The following ECRG4 variants were observed in gnomAD, a reference collection of about 807,000 sequenced individuals.
The protein encoded by ECRG4 is ECRG4 augurin precursor, also known as augurin.
In ECRG4, 18 loss-of-function variants were observed where a neutral mutation model predicts 15.8. The observed-to-expected ratio is 1.14, with a 90% CI of 0.79 to 1.69. The LOEUF (loss-of-function observed/expected upper bound fraction) is 1.69, where lower values mean the gene tolerates loss of function less well. ECRG4 is among the 40% of genes most tolerant of loss of function. The pLI, the probability that ECRG4 is intolerant of heterozygous loss-of-function variation, is 0.00. For missense variants in ECRG4, 200 were observed against 190.9 expected (o/e 1.05, Z -0.28); for synonymous variants, 82 against 73.9 (o/e 1.11, Z -0.56).
chr2:106,077,230 T>G (rs1676506119), intron 3 of ECRG4, among the ~76,000 whole-genome samples: 1 of 152,188 alleles, frequency 6.6e-6, no homozygotes, highest in South Asian at 2.1e-4. Context: ...CTGTGTACAC[T>G]CTAACCAACA....
chr2:106,078,017 C>G lies in ECRG4; in HGVS notation c.*91C>G. ...TACACTACTTGGTTTCTGATTTGCT[C>G]TATTTCAGCAGATCTTTTCTACCTA... On this transcript the variant is annotated 3_prime_UTR_variant, in exon 4 of 4. Transcript: ENST00000238044. 1.6e-6 allele frequency: 2 copies of G among 1,246,998 alleles called. No individual in the cohort carries two copies. Among genetic ancestry groups the G allele is most frequent in the Non-Finnish European group, 1.1e-6 (1 of 923,600 alleles). The allele number at this position is 1,246,998 out of a possible 1,614,324, so 77.2% of individuals were successfully genotyped here.
chr2:106,076,437 C>T (rs188221245), intron 3 of ECRG4, among the ~76,000 whole-genome samples: 57 of 152,244 alleles, frequency 3.7e-4, no homozygotes, highest in Non-Finnish European at 6.5e-4. Context: ...CCAAAGAAGT[C>T]GGTGTCCTCC....
intron 1 of ECRG4, among the ~76,000 whole-genome samples, chr2:106,067,059 C>CGGGGCGG (rs1207345148): frequency 1.4e-3 from 6 of 4,266 alleles, no homozygotes; most frequent in East Asian, 0.013. Context: ...TTTGGGAGGC[C>CGGGGCGG]GGGGGGGGGG....
chr2:106,067,290 C>T (rs567268863), intron 1 of ECRG4, among the ~76,000 whole-genome samples: 2 of 150,828 alleles, frequency 1.3e-5, no homozygotes, highest in South Asian at 4.2e-4. Context: ...GAAACTCCGT[C>T]GCAAAATAAA....
At chr2:106,071,732 G>T in intron 1 of ECRG4, 112 bp from the exon 2 acceptor site, 1 of 757,598 alleles carries the variant, frequency 1.3e-6, no homozygotes, top group South Asian at 1.7e-5. Context: ...TTACCAAGTT[G>T]CCAAATCAAG....
At chr2:106,069,394 C>T (rs371818002) in intron 1 of ECRG4, among the ~76,000 whole-genome samples, 5 of 149,424 alleles carry the variant, frequency 3.3e-5, no homozygotes, top group South Asian at 2.1e-4. Flanking sequence ...AGTGCAGTGA[C>T]GCTACCTTGG....
intron 1 of ECRG4, among the ~76,000 whole-genome samples, chr2:106,071,322 TAAAAAAAAAAAAA>T (rs10649647): frequency 1.8e-4 from 14 of 78,330 alleles, no homozygotes; most frequent in Non-Finnish European, 2.5e-4. Flanking sequence ...GGTAAGGCTG[TAAAAAAAAAAAAA>T]AAAAAAAAAA....
At position 106,078,039 on chromosome 2, in the gene ECRG4, C is replaced by A; in HGVS notation, c.*113C>A. 2 of 1,024,086 alleles carry A rather than the reference C, an allele frequency of 2.0e-6. No homozygotes were observed. Among genetic ancestry groups the A allele is most frequent in the Non-Finnish European group, 2.7e-6 (2 of 737,794 alleles). The allele number at this position is 1,024,086 out of a possible 1,614,324, so 63.4% of individuals were successfully genotyped here. On this transcript the variant is annotated 3_prime_UTR_variant, in exon 4 of 4. Transcript: ENST00000238044. ...GCTCTATTTCAGCAGATCTTTTCTA[C>A]CTACTTTGTGTGATCAAAAAAGAAG...
intron 1 of ECRG4, among the ~76,000 whole-genome samples, chr2:106,067,244 A>G (rs1012184133): frequency 6.6e-6 from 1 of 151,866 alleles, no homozygotes; most frequent in African/African-American, 2.4e-5. Flanking sequence ...GCGAGCTGAG[A>G]TCGTGCCATT....
intron 2 of ECRG4, among the ~76,000 whole-genome samples, chr2:106,072,852 C>T (rs368257771): frequency 6.6e-5 from 10 of 152,242 alleles, no homozygotes; most frequent in African/African-American, 2.4e-4. Context: ...CAACAACGCC[C>T]TCACAGAGCC....
At chr2:106,070,796 T>G in intron 1 of ECRG4, 2 of 396,104 alleles carry the variant, frequency 5.0e-6, no homozygotes, top group South Asian at 3.9e-5. Flanking sequence ...CTAGACCCCC[T>G]GGAGCCTGTC....
intron 1 of ECRG4, among the ~76,000 whole-genome samples, chr2:106,069,964 C>T (rs1354832369): frequency 6.6e-6 from 1 of 152,206 alleles, no homozygotes; most frequent in South Asian, 2.1e-4. Flanking sequence ...AGCTCTCCCA[C>T]AGGCTGCTAT....
In ECRG4 at chr2:106,074,048, G is replaced by T; in HGVS notation, c.285+5G>T. Reference sequence around the variant, plus strand: ...TACATGGGCTTTGACGAAGCGGTAGGTGTTGCCTCCGGCTGCAGGCCTGGC... The same window carrying T: ...TACATGGGCTTTGACGAAGCGGTAGTTGTTGCCTCCGGCTGCAGGCCTGGC... On this transcript the variant is annotated splice_donor_5th_base_variant and intron_variant, in intron 3 of 3. Transcript: ENST00000238044. 6.2e-7 allele frequency: 1 copy of T among 1,610,456 alleles called. No individual in the cohort carries two copies. The highest frequency in any genetic ancestry group is 8.5e-7 in the Non-Finnish European group (1 of 1,178,128).
intron 1 of ECRG4, 28 bp downstream of exon 1, chr2:106,065,871 A>G: frequency 6.8e-7 from 1 of 1,461,558 alleles, no homozygotes; most frequent in Non-Finnish European, 9.0e-7. Flanking sequence ...AGGCTGATTG[A>G]TAGCGGCACC....
intron 2 of ECRG4, among the ~76,000 whole-genome samples, chr2:106,072,980 G>A (rs1165677862): frequency 6.6e-6 from 1 of 152,232 alleles, no homozygotes; most frequent in East Asian, 1.9e-4. Flanking sequence ...GTACAAAACA[G>A]TGTTACAATC....
chr2:106,063,906 A>G (rs971829196), upstream of ECRG4, among the ~76,000 whole-genome samples: 3 of 152,236 alleles, frequency 2.0e-5, no homozygotes, highest in African/African-American at 7.2e-5. Context: ...TTTGAATGTC[A>G]TATTAGAAGT....
chr2:106,064,760 G>A (rs145745851), upstream of ECRG4, among the ~76,000 whole-genome samples: 317 of 152,334 alleles, frequency 2.1e-3, 1 homozygote, highest in African/African-American at 6.7e-3. Context: ...TGGGAAGACA[G>A]GAAAGGTAAT....
chr2:106,075,051 T>C (rs1056846081), intron 3 of ECRG4, among the ~76,000 whole-genome samples: 4 of 152,086 alleles, frequency 2.6e-5, no homozygotes, highest in Admixed American at 6.6e-5. Flanking sequence ...TAGGTAAACA[T>C]GTATAGCCAA....
intron 2 of ECRG4, 27 bp downstream of exon 2, chr2:106,071,918 A>T (rs1484110768): frequency 1.3e-6 from 2 of 1,591,894 alleles, no homozygotes; most frequent in Non-Finnish European, 1.7e-6. Flanking sequence ...TGGATAAGGG[A>T]TGCATTCTTA....
Sources: allele counts gnomAD v4.1 joint callset (sites outside exome capture counted in the v4.1 genomes callset), GRCh38; gene constraint gnomAD v4.1.1; transcripts MANE v1.5; gene names NCBI Gene and HGNC (gene_info 2026-07-23, HGNC 2026-07-21).